Variants in FRMD4B observed in about 807,000 individuals in gnomAD.
The protein encoded by FRMD4B is FERM domain containing 4B.
A neutral mutation model predicts 141.5 loss-of-function variants in FRMD4B; 74 were observed. That is an observed-to-expected ratio of 0.52 (90% CI 0.43 to 0.63). The LOEUF (loss-of-function observed/expected upper bound fraction) is 0.63. Ranked by LOEUF, FRMD4B falls within the 30% of genes least tolerant of loss-of-function variation. The pLI, the probability that FRMD4B is intolerant of heterozygous loss-of-function variation, is 0.00. For synonymous variants in FRMD4B, 506 were observed against 467.9 expected, an observed-to-expected ratio of 1.08 and a Z score of -1.05; for missense variants, 1,366 against 1,253.4, an observed-to-expected ratio of 1.09 and a Z score of -1.36.
chr3:69,392,040 G>C (rs1197416590), intron 2 of FRMD4B, among the ~76,000 whole-genome samples: 1 of 152,182 alleles, frequency 6.6e-6, no homozygotes, highest in Non-Finnish European at 1.5e-5. Flanking sequence ...AATGTTTATT[G>C]AACTGACCAA....
At chr3:69,253,401 G>T (rs2093475524) in intron 5 of FRMD4B, among the ~76,000 whole-genome samples, 1 of 151,990 alleles carries the variant, frequency 6.6e-6, no homozygotes, top group Non-Finnish European at 1.5e-5. Context: ...AACAGGTGAG[G>T]CTGTGGAAAA....
chr3:69,172,046 T>C (rs1448741871), intron 22 of FRMD4B, 65 bp from the exon 23 acceptor site: 2 of 1,495,158 alleles, frequency 1.3e-6, no homozygotes, highest in Non-Finnish European at 1.9e-6. Flanking sequence ...GCACAAAGAC[T>C]ACTACATTTA....
rs571347683 is a variant in FRMD4B, at chr3:69,185,106, A to G, written c.1920-2389T>C. ...ATCACGAGGTCAGGAGATCAAGACC[A>G]TCCTGGCTAATATGAAACACCGTCT... On this transcript the variant is annotated intron_variant, in intron 19 of 22. Transcript: ENST00000398540. Among the ~76,000 whole-genome samples the G allele has an allele frequency of 3.3e-5, 5 of 152,248 alleles. No homozygotes were observed. In the East Asian group the frequency reaches 9.7e-4, roughly 29 times the overall value.
intron 1 of FRMD4B, among the ~76,000 whole-genome samples, chr3:69,470,843 T>C (rs911197004): frequency 2.0e-5 from 3 of 152,180 alleles, no homozygotes; most frequent in African/African-American, 4.8e-5. Flanking sequence ...ATTTGCACAA[T>C]TATAATAAGA....
intron 5 of FRMD4B, among the ~76,000 whole-genome samples, chr3:69,267,936 T>C (rs868090586): frequency 7.2e-5 from 11 of 151,830 alleles, no homozygotes; most frequent in African/African-American, 2.4e-4. Context: ...CCTGGCCTAA[T>C]ACATATTTTT....
At chr3:69,381,619 G>A (rs1359532403) in intron 1 of FRMD4B, among the ~76,000 whole-genome samples, 2 of 152,164 alleles carry the variant, frequency 1.3e-5, no homozygotes, top group African/African-American at 4.8e-5. Flanking sequence ...GCAGTGCAGT[G>A]GAACAATCCC....
chr3:69,482,666 A>G (rs1415291984), intron 1 of FRMD4B, among the ~76,000 whole-genome samples: 7 of 152,196 alleles, frequency 4.6e-5, no homozygotes, highest in Non-Finnish European at 8.8e-5. Flanking sequence ...GAAGAATCAA[A>G]TCTTTCACCA....
chr3:69,422,538 A>T lies in FRMD4B; in HGVS notation c.-1+10096T>A, dbSNP rs188080311. Among the ~76,000 whole-genome samples the T allele has an allele frequency of 5.3e-5, 8 of 152,286 alleles. No homozygotes were observed. The East Asian group carries it at 1.5e-3, about 29-fold the overall frequency. ...AGAGCCTCCATTGTGACAAGCTGCA[A>T]TGTTTTAGGTCAGTAGTCACCAAAC... On this transcript the variant is annotated intron_variant, in intron 2 of 5. Coordinates refer to the FRMD4B transcript ENST00000459638.
intron 1 of FRMD4B, among the ~76,000 whole-genome samples, chr3:69,338,553 G>A (rs567684618): frequency 1.3e-5 from 2 of 152,240 alleles, no homozygotes; most frequent in South Asian, 4.2e-4. Flanking sequence ...GGAGCTGGAG[G>A]TCATTATCAT....
chr3:69,474,986 T>C (rs1705959908), intron 1 of FRMD4B, among the ~76,000 whole-genome samples: 1 of 152,116 alleles, frequency 6.6e-6, no homozygotes, highest in African/African-American at 2.4e-5. Context: ...AGAATGTGTT[T>C]GAGGGAAAAA....
chr3:69,384,038 G>A (rs1704189211), intron 1 of FRMD4B, among the ~76,000 whole-genome samples: 1 of 151,868 alleles, frequency 6.6e-6, no homozygotes, highest in Admixed American at 6.6e-5. Context: ...GGGCTCAAGG[G>A]ATCTTCCTGC....
chr3:69,281,823 CA>C (rs869209332), intron 5 of FRMD4B, among the ~76,000 whole-genome samples: 65 of 131,454 alleles, frequency 4.9e-4, no homozygotes, highest in African/African-American at 1.6e-3. Context: ...GACTCCGTCT[CA>C]AAAAAAAAAA....
intron 4 of FRMD4B, among the ~76,000 whole-genome samples, chr3:69,299,514 C>T (rs934963840): frequency 1.3e-5 from 2 of 152,122 alleles, no homozygotes; most frequent in African/African-American, 2.4e-5. Flanking sequence ...GAATCTGGGC[C>T]AGGAACGTGG....
At chr3:69,526,077 CT>C (rs1700927601) in intron 1 of FRMD4B, among the ~76,000 whole-genome samples, 1 of 152,208 alleles carries the variant, frequency 6.6e-6, no homozygotes, top group African/African-American at 2.4e-5. Flanking sequence ...AATTTCTCTG[CT>C]GAGGACTTTC....
chr3:69,447,040 G>C (rs1705419926), intron 1 of FRMD4B, among the ~76,000 whole-genome samples: 1 of 152,188 alleles, frequency 6.6e-6, no homozygotes, highest in Middle Eastern at 3.4e-3. Flanking sequence ...CTGTGTTCTA[G>C]CCAGGCATTC....
At chr3:69,469,433 A>G (rs1705851024) in intron 1 of FRMD4B, among the ~76,000 whole-genome samples, 1 of 152,238 alleles carries the variant, frequency 6.6e-6, no homozygotes, top group African/African-American at 2.4e-5. Context: ...AGATATAGGT[A>G]AAACTACACA....
intron 9 of FRMD4B, among the ~76,000 whole-genome samples, chr3:69,219,999 T>C (rs1403348913): frequency 2.0e-5 from 3 of 152,224 alleles, no homozygotes; most frequent in African/African-American, 7.2e-5. Context: ...GTATATACCA[T>C]ATTTTCTTAT....
intron 1 of FRMD4B, among the ~76,000 whole-genome samples, chr3:69,481,079 G>T (rs1189172374): frequency 6.6e-6 from 1 of 152,188 alleles, no homozygotes; most frequent in Non-Finnish European, 1.5e-5. Flanking sequence ...CAGTGTTAGG[G>T]TAGGAGTGAC....
rs1181651364 is a variant in FRMD4B at position 69,195,239 on chromosome 3, G to A, written c.1360C>T (p.Arg454Trp). 6 of 1,613,036 alleles carry A rather than the reference G, an allele frequency of 3.7e-6. No individual in the cohort carries two copies. Among genetic ancestry groups the A allele is most frequent in the South Asian group, 1.1e-5 (1 of 90,936 alleles). Residue 454 changes from arginine to tryptophan, a missense_variant, in exon 15 of 23, where the codon CGG (arginine) becomes TGG (tryptophan). By Grantham distance (101) the Arg-to-Trp change is moderately radical. Coordinates refer to ENST00000398540, the MANE Select transcript of FRMD4B (RefSeq NM_015123.3). ...KVEELKKICL[R>W]EAELTGKMPK... ...CCAAAAAGCAGACTCACAGCCTCCC[G>A]CAGACAGATCTTCTTAAGCTCCTCA... is the stretch of plus-strand genomic sequence containing the variant.
Sources: gnomAD v4.1 joint callset for allele counts (sites outside exome capture counted in the v4.1 genomes callset) on GRCh38, gnomAD v4.1.1 for gene constraint, MANE v1.5 for transcripts, NCBI Gene and HGNC (gene_info 2026-07-23, HGNC 2026-07-21) for gene names.